The following KLHL32 variants were observed in gnomAD, a reference collection of about 807,000 sequenced individuals.
KLHL32 encodes kelch like family member 32, also known as kelch-like protein 32.
In KLHL32, 35 loss-of-function variants were observed where a neutral mutation model predicts 64.8. The observed-to-expected ratio is 0.54, with a 90% CI of 0.41 to 0.72. The LOEUF (loss-of-function observed/expected upper bound fraction) is 0.72, where lower values mean the gene tolerates loss of function less well. KLHL32 is among the 30% of genes least tolerant of loss of function. The pLI is 0.00. For synonymous variants in KLHL32, 259 were observed against 281.0 expected (o/e 0.92, Z 0.78); for missense variants, 589 against 768.5 (o/e 0.77, Z 2.76).
chr6:96,922,568 G>A (rs1768783616), upstream of KLHL32, among the ~76,000 whole-genome samples: 1 of 152,000 alleles, frequency 6.6e-6, no homozygotes, highest in Non-Finnish European at 1.5e-5. Flanking sequence ...CAGGAACAAT[G>A]TATATTTATT....
chr6:96,903,019 GCATGTTGCCGC>G, the KLHL32 span, among the ~76,000 whole-genome samples: 1 of 151,954 alleles, frequency 6.6e-6, no homozygotes, highest in African/African-American at 2.4e-5. Flanking sequence ...AAGTCAGGTA[GCATGTTGCCGC>G]CAGCTTTTTT....
At chr6:97,024,970 G>T (rs1279405822) in intron 3 of KLHL32, 4 of 983,356 alleles carry the variant, frequency 4.1e-6, no homozygotes, top group Non-Finnish European at 4.8e-6. Flanking sequence ...AGTAAAATTT[G>T]CATTCATGCT....
At chr6:97,100,799 CTT>C (rs763909891) in intron 6 of KLHL32, among the ~76,000 whole-genome samples, 12 of 96,270 alleles carry the variant, frequency 1.2e-4, no homozygotes, top group Non-Finnish European at 1.8e-4. Context: ...GCTCATTATT[CTT>C]TTTTTTTTTT....
At chr6:97,125,278 A>G (rs2128218777) in intron 7 of KLHL32, among the ~76,000 whole-genome samples, 1 of 152,256 alleles carries the variant, frequency 6.6e-6, no homozygotes, top group African/African-American at 2.4e-5. Context: ...TTATGTATCC[A>G]TTAGTTTTGA....
chr6:97,020,398 A>C (rs1781830022), intron 3 of KLHL32, among the ~76,000 whole-genome samples: 1 of 151,132 alleles, frequency 6.6e-6, no homozygotes, highest in South Asian at 2.1e-4. Context: ...TATGCCAATA[A>C]ACTTCAAAAT....
intron 5 of KLHL32, among the ~76,000 whole-genome samples, chr6:97,082,562 A>G (rs898869731): frequency 2.6e-5 from 4 of 151,920 alleles, no homozygotes; most frequent in Admixed American, 6.6e-5. Context: ...GCACTGAGCC[A>G]AGATAGCACC....
At chr6:97,079,293 G>A (rs903042445) in intron 5 of KLHL32, among the ~76,000 whole-genome samples, 1 of 152,110 alleles carries the variant, frequency 6.6e-6, no homozygotes, top group Non-Finnish European at 1.5e-5. Flanking sequence ...GGACATCACC[G>A]AGGCCAAGAC....
chr6:96,904,214 C>T, the KLHL32 span, among the ~76,000 whole-genome samples: 1 of 151,740 alleles, frequency 6.6e-6, no homozygotes, highest in East Asian at 1.9e-4. Flanking sequence ...TGATGGTGCA[C>T]ATCGATAATC....
the KLHL32 span, chr6:96,914,708 G>T: frequency 2.0e-5 from 3 of 151,710 alleles, no homozygotes; most frequent in Non-Finnish European, 2.9e-5. Flanking sequence ...TAGAGACAAG[G>T]TCTCATTATG....
intron 4 of KLHL32, among the ~76,000 whole-genome samples, chr6:97,054,506 G>A (rs1213122661): frequency 6.6e-6 from 1 of 152,114 alleles, no homozygotes; most frequent in Non-Finnish European, 1.5e-5. Context: ...TTAAGAAATG[G>A]ATTAGCAGGG....
At chr6:96,970,588 T>C (rs1775001553) in intron 2 of KLHL32, among the ~76,000 whole-genome samples, 1 of 152,222 alleles carries the variant, frequency 6.6e-6, no homozygotes, top group African/African-American at 2.4e-5. Context: ...TGCTACCACA[T>C]ATGGTTTGCT....
intron 6 of KLHL32, among the ~76,000 whole-genome samples, chr6:97,101,792 A>G (rs1562337922): frequency 6.6e-6 from 1 of 152,244 alleles, no homozygotes; most frequent in Non-Finnish European, 1.5e-5. Flanking sequence ...AAATATGTGA[A>G]GTATTTAATA....
chr6:96,902,779 G>T, the KLHL32 span, among the ~76,000 whole-genome samples: 1 of 152,160 alleles, frequency 6.6e-6, no homozygotes, highest in Non-Finnish European at 1.5e-5. Context: ...GTGTAAGGAA[G>T]GGGTCCAGTT....
intron 7 of KLHL32, among the ~76,000 whole-genome samples, chr6:97,119,779 T>C (rs1216556792): frequency 1.3e-5 from 2 of 152,230 alleles, no homozygotes; most frequent in African/African-American, 4.8e-5. Context: ...GTGTTGTTTT[T>C]AGTTGTTCAC....
intron 3 of KLHL32, among the ~76,000 whole-genome samples, chr6:97,017,870 G>A (rs1048576286): frequency 2.6e-5 from 4 of 152,158 alleles, no homozygotes; most frequent in African/African-American, 9.7e-5. Context: ...AGAGGACCTA[G>A]AGGAATGCAG....
chr6:97,080,498 T>G (rs1335096110), intron 5 of KLHL32, among the ~76,000 whole-genome samples: 1 of 152,064 alleles, frequency 6.6e-6, no homozygotes, highest in Non-Finnish European at 1.5e-5. Flanking sequence ...GAAGCTTAGA[T>G]TTGGTAGAGG....
chr6:96,992,474 G>C (rs761129), intron 3 of KLHL32, among the ~76,000 whole-genome samples: 38,165 of 152,218 alleles, frequency 0.25, 4,871 homozygotes, highest in East Asian at 0.39. Flanking sequence ...CTCTCTCTGA[G>C]AGCAATGCGC....
chr6:96,908,470 C>A, the KLHL32 span, among the ~76,000 whole-genome samples: 182 of 152,272 alleles, frequency 1.2e-3, 1 homozygote, highest in Middle Eastern at 3.4e-3. Flanking sequence ...CACATGCACA[C>A]CCCTCTGCAT....
At chr6:96,909,276 T>G in the KLHL32 span, among the ~76,000 whole-genome samples, 1 of 152,170 alleles carries the variant, frequency 6.6e-6, no homozygotes, top group African/African-American at 2.4e-5. Context: ...AGATAGAAGA[T>G]AGAAGAGAAA....
Sources: gnomAD v4.1 joint callset for allele counts (sites outside exome capture counted in the v4.1 genomes callset) on GRCh38, gnomAD v4.1.1 for gene constraint, MANE v1.5 for transcripts, NCBI Gene and HGNC (gene_info 2026-07-23, HGNC 2026-07-21) for gene names.